Variants in ABLIM3 observed in about 807,000 individuals in gnomAD.
The protein encoded by ABLIM3 is actin-binding LIM protein 3.
In ABLIM3, 61 loss-of-function variants were observed where a neutral mutation model predicts 109.5. The ratio of observed to expected loss-of-function variants is 0.56; its 90% confidence interval spans 0.45 to 0.69. ABLIM3 has a LOEUF of 0.69. ABLIM3 is among the 30% of genes least tolerant of loss of function. ABLIM3 has a pLI of 0.00. For synonymous variants in ABLIM3, 300 were observed against 324.8 expected, an observed-to-expected ratio of 0.92 and a Z score of 0.82; for missense variants, 796 against 889.5, an observed-to-expected ratio of 0.89 and a Z score of 1.34.
intron 8 of ABLIM3, among the ~76,000 whole-genome samples, chr5:149,225,007 A>G (rs989715382): frequency 3.9e-5 from 6 of 152,160 alleles, no homozygotes; most frequent in South Asian, 4.1e-4. Context: ...CACTGTTGTT[A>G]TTACAGGGCA....
chr5:149,192,932 C>G (rs1312044797), intron 3 of ABLIM3, among the ~76,000 whole-genome samples: 1 of 152,062 alleles, frequency 6.6e-6, no homozygotes, highest in Non-Finnish European at 1.5e-5. Context: ...GGGATACAAT[C>G]AGCAAAATCC....
At chr5:149,220,929 G>T (rs1288552233) in intron 8 of ABLIM3, 1 of 152,188 alleles carries the variant, frequency 6.6e-6, no homozygotes, top group Non-Finnish European at 1.5e-5. Flanking sequence ...TGTCCTGGTG[G>T]AGTTCACTCT....
At chr5:149,188,894 C>T (rs1168165032) in intron 3 of ABLIM3, among the ~76,000 whole-genome samples, 4 of 152,200 alleles carry the variant, frequency 2.6e-5, no homozygotes, top group East Asian at 1.9e-4. Flanking sequence ...TTTCAAGGGA[C>T]GGACATAGAA....
chr5:149,234,478 A>G (rs564277906), intron 10 of ABLIM3, among the ~76,000 whole-genome samples: 11 of 152,294 alleles, frequency 7.2e-5, no homozygotes, highest in South Asian at 2.1e-4. Flanking sequence ...ATTACTTCAA[A>G]TCCACATCCA....
Position 149,239,278 on chromosome 5 carries a change from G to A in ABLIM3, c.1074+1G>A, listed in dbSNP as rs1239103995. 6.2e-7 allele frequency: 1 copy of A among 1,613,852 alleles called. No individual in the cohort carries two copies. The highest frequency in any genetic ancestry group is 8.5e-7 in the Non-Finnish European group (1 of 1,179,788). Reference sequence around the variant, plus strand: ...GGGAACATTATCTCCCTACTCCCAGGTAATTCAGCTGATAGAGAATTAAGT... The same window carrying A: ...GGGAACATTATCTCCCTACTCCCAGATAATTCAGCTGATAGAGAATTAAGT... On this transcript the variant is annotated splice_donor_variant, in intron 12 of 23. Coordinates refer to ENST00000309868, the MANE Select transcript of ABLIM3 (RefSeq NM_014945.5). LOFTEE classifies it high-confidence loss of function.
rs1754676505 is a variant in ABLIM3 at position 149,258,841 on chromosome 5, T to C, written c.*437T>C. On this transcript the variant is annotated 3_prime_UTR_variant, in exon 24 of 24. Coordinates refer to ENST00000309868, the MANE Select transcript of ABLIM3 (RefSeq NM_014945.5). ...CCTCCCATGGGAAGATCTGCAGCAG[T>C]CTCCCCAAATCAGTGAGCACCTTTG... 1.0e-6 allele frequency: 1 copy of C among 989,766 alleles called. No individual in the cohort carries two copies. The highest frequency in any genetic ancestry group is 1.2e-6 in the Non-Finnish European group (1 of 833,124). 61.3% of individuals were successfully genotyped at this position (989,766 alleles called of 1,614,324 possible). A position where few individuals can be genotyped will look rare whatever the true frequency, so the allele number is the denominator to read the frequency against.
chr5:149,246,169 A>T (rs1294421610), intron 16 of ABLIM3, among the ~76,000 whole-genome samples: 1 of 152,148 alleles, frequency 6.6e-6, no homozygotes, highest in Non-Finnish European at 1.5e-5. Context: ...TCAAAAATTT[A>T]AAAATTTAAT....
At chr5:149,250,639 G>A in intron 20 of ABLIM3, 134 bp downstream of exon 20, 1 of 1,035,604 alleles carries the variant, frequency 9.7e-7, no homozygotes, top group Non-Finnish European at 1.4e-6. Flanking sequence ...ACAACTGTAT[G>A]GCAATGACTT....
At chr5:149,202,443 A>G (rs866406184) in intron 5 of ABLIM3, among the ~76,000 whole-genome samples, 3 of 152,314 alleles carry the variant, frequency 2.0e-5, no homozygotes, top group Middle Eastern at 6.8e-3. Flanking sequence ...GGTATGTTTT[A>G]TAGAGGTATT....
In ABLIM3 at chr5:149,258,291, C is replaced by T. The variant is rs371092037; in HGVS notation, c.1939C>T (p.Arg647Cys). 2.0e-5 allele frequency: 33 copies of T among 1,613,190 alleles called. No homozygotes were observed. Among genetic ancestry groups the T allele is most frequent in the Admixed American group, 5.0e-5 (3 of 59,870 alleles). Reference protein sequence around the residue: ...PKDVDRTRLERHLSQEEFYQV... With the variant: ...PKDVDRTRLECHLSQEEFYQV... ...CCCCCGCCTGCCCTGCCTCCTTCAG[C>T]GCCACCTGTCCCAGGAAGAGTTCTA... Residue 647 changes from arginine to cysteine, a missense_variant and splice_region_variant, in exon 24 of 24, where the codon CGC becomes TGC. Coordinates refer to ENST00000309868, the MANE Select transcript of ABLIM3 (RefSeq NM_014945.5).
intron 5 of ABLIM3, among the ~76,000 whole-genome samples, chr5:149,201,899 C>T (rs1028697672): frequency 6.6e-6 from 1 of 152,070 alleles, no homozygotes; most frequent in African/African-American, 2.4e-5. Context: ...ATGAAGCCTC[C>T]CTGAGACTCA....
chr5:149,204,176 G>GT (rs1346011133), intron 5 of ABLIM3, among the ~76,000 whole-genome samples: 1 of 152,188 alleles, frequency 6.6e-6, no homozygotes, highest in Non-Finnish European at 1.5e-5. Flanking sequence ...GCTGTCTAGC[G>GT]TCTTTAGGAG....
intron 8 of ABLIM3, chr5:149,220,068 A>G (rs1376578750): frequency 6.6e-6 from 1 of 152,208 alleles, no homozygotes; most frequent in East Asian, 1.9e-4. Flanking sequence ...AACAGTTGCT[A>G]TAAGATATAG....
intron 3 of ABLIM3, among the ~76,000 whole-genome samples, chr5:149,188,256 T>G (rs1201875779): frequency 6.6e-6 from 1 of 152,180 alleles, no homozygotes; most frequent in Non-Finnish European, 1.5e-5. Context: ...CATGATCTTG[T>G]ATAGCAAATC....
chr5:149,258,603 T>C lies in ABLIM3; in HGVS notation c.*199T>C, dbSNP rs1390608455. 1.4e-5 allele frequency: 19 copies of C among 1,337,142 alleles called. No homozygotes were observed. The highest frequency in any genetic ancestry group is 1.8e-5 in the Non-Finnish European group (19 of 1,047,994). The allele number at this position is 1,337,142 out of a possible 1,614,324, so 82.8% of individuals were successfully genotyped here. A position where few individuals can be genotyped will look rare whatever the true frequency, so the allele number is the denominator to read the frequency against. On this transcript the variant is annotated 3_prime_UTR_variant, in exon 24 of 24. Coordinates refer to ENST00000309868, the MANE Select transcript of ABLIM3 (RefSeq NM_014945.5). The stretch of plus-strand genomic sequence containing the variant: ...TCTCTTTTCTAAGTGCTGTGGGATC[T>C]GGGAAGGGATTTGAGGGGACTCTGT...
Position 149,253,673 on chromosome 5 carries a change from A to G in ABLIM3, c.1938+836A>G, listed in dbSNP as rs373744617. Among the ~76,000 whole-genome samples the G allele has an allele frequency of 5.9e-5, 9 of 152,326 alleles. No homozygotes were observed. The South Asian group carries it at 1.9e-3, about 32-fold the overall frequency. ...ATTGAGAGATGGAGAGGAGAACAGC[A>G]TAAATAAAGGTGCAGAGGTGGGCCA... is the stretch of plus-strand genomic sequence containing the variant. On this transcript the variant is annotated intron_variant, in intron 23 of 23. Coordinates refer to ENST00000309868, the MANE Select transcript of ABLIM3 (RefSeq NM_014945.5).
chr5:149,205,146 G>A lies in ABLIM3; in HGVS notation c.449-1862G>A, dbSNP rs112139612. 8.4e-3 allele frequency among the ~76,000 whole-genome samples: 1,281 copies of A among 152,308 alleles called. 10 individuals are homozygous for A. The highest frequency in any genetic ancestry group is 0.013 in the Non-Finnish European group (873 of 68,016). ...TCTTTAATTCTTTAAAAGAACTGTC[G>A]TATGGGAAAAGAGGTGGATTATTCT... On this transcript the variant is annotated intron_variant, in intron 5 of 23. Transcript: ENST00000309868.
In ABLIM3 at chr5:149,198,461, G is replaced by A. The variant is rs1371022715; in HGVS notation, c.335+59G>A. The A allele has an allele frequency of 6.6e-7, 1 of 1,508,086 alleles. No individual in the cohort carries two copies. The highest frequency in any genetic ancestry group is 8.8e-7 in the Non-Finnish European group (1 of 1,130,606). 93.4% of individuals were successfully genotyped at this position (1,508,086 alleles called of 1,614,324 possible). A position where few individuals can be genotyped will look rare whatever the true frequency, so the allele number is the denominator to read the frequency against. On this transcript the variant is annotated intron_variant, in intron 4 of 23. Coordinates refer to ENST00000309868, the MANE Select transcript of ABLIM3 (RefSeq NM_014945.5). This position sits in a 1 kb window ranked among gnomAD's most constrained non-coding sequence, Gnocchi z 4.2. Reference sequence around the variant, plus strand: ...TGCATAAGCCCCCGGGGCAGGGGAAGACCTGGCTTTTTCCAGGAAGTTCTG... The same window carrying A: ...TGCATAAGCCCCCGGGGCAGGGGAAAACCTGGCTTTTTCCAGGAAGTTCTG...
chr5:149,153,014 C>T (rs946466622), intron 2 of ABLIM3, among the ~76,000 whole-genome samples: 1 of 152,012 alleles, frequency 6.6e-6, no homozygotes, highest in Non-Finnish European at 1.5e-5. Flanking sequence ...AGTAGGTACT[C>T]AAAAGATAAT....
Sources: allele counts gnomAD v4.1 joint callset (sites outside exome capture counted in the v4.1 genomes callset), GRCh38; gene constraint gnomAD v4.1.1; non-coding constraint Gnocchi (gnomAD v3.1); transcripts MANE v1.5; gene names NCBI Gene and HGNC (gene_info 2026-07-23, HGNC 2026-07-21).